Variants in ZFP90 observed in about 807,000 individuals in gnomAD.
The protein encoded by ZFP90 is zinc finger protein 90 homolog.
In ZFP90, 38 loss-of-function variants were observed where a neutral mutation model predicts 60.8. That is an observed-to-expected ratio of 0.62 (90% CI 0.48 to 0.82). ZFP90 has a LOEUF of 0.82. ZFP90 is among the 40% of genes least tolerant of loss of function. ZFP90 has a pLI of 0.00. For synonymous variants in ZFP90, 287 were observed against 264.8 expected (o/e 1.08, Z -0.82); for missense variants, 711 against 759.1 (o/e 0.94, Z 0.74).
chr16:68,554,153 G>A (rs1196210149), intron 2 of ZFP90, among the ~76,000 whole-genome samples: 1 of 148,846 alleles, frequency 6.7e-6, no homozygotes, highest in African/African-American at 2.5e-5. Context: ...ATGGAGTCTC[G>A]CTCTGTTGCC....
intron 2 of ZFP90, among the ~76,000 whole-genome samples, chr16:68,543,685 C>T (rs1180468506): frequency 2.6e-5 from 4 of 151,814 alleles, no homozygotes; most frequent in Admixed American, 6.6e-5. Flanking sequence ...CTCAGTCTCC[C>T]GAGTAGCTGG....
In ZFP90 at chr16:68,563,818, G is replaced by A. The variant is rs761972248; in HGVS notation, c.1031G>A (p.Gly344Glu). 6.2e-7 allele frequency: 1 copy of A among 1,613,942 alleles called. No individual in the cohort carries two copies. ...GEKPYRCNLC[G>E]RSFRHGTSLT... is the part of the protein sequence containing the mutation. ...AAACCCTATCGATGTAATCTATGTG[G>A]GAGGTCCTTTAGGCATGGCACATCC... The change falls in exon 5 of 5, where the codon GGG becomes GAG. Residue 344 changes from glycine to glutamate, a missense_variant. Physicochemically the swap from Gly to Glu is moderately conservative, Grantham distance 98. This residue lies in a region of ZFP90 where 146 missense variants were observed against 201.4 expected (regional missense o/e 0.73). Coordinates refer to ENST00000563169, the MANE Select transcript of ZFP90 (RefSeq NM_001305203.2).
chr16:68,542,297 G>A (rs766389751), intron 2 of ZFP90, among the ~76,000 whole-genome samples: 20 of 152,128 alleles, frequency 1.3e-4, no homozygotes, highest in Non-Finnish European at 2.5e-4. Flanking sequence ...CTTTGAATAG[G>A]AGCAGAGTCT....
At chr16:68,571,366 A>T (rs1442575240), downstream of ZFP90, among the ~76,000 whole-genome samples, 1 of 152,230 alleles carries the variant, frequency 6.6e-6, no homozygotes, top group African/African-American at 2.4e-5. Context: ...GGCAAAAAAT[A>T]ATAATAGTAA....
intron 2 of ZFP90, among the ~76,000 whole-genome samples, chr16:68,544,074 G>C (rs947769492): frequency 6.6e-6 from 1 of 151,948 alleles, no homozygotes; most frequent in East Asian, 1.9e-4. Flanking sequence ...GACTGGTCTT[G>C]AACTCCTGAC....
chr16:68,535,414 T>C (rs2152049144), upstream of ZFP90: 1 of 152,206 alleles, frequency 6.6e-6, no homozygotes, highest in African/African-American at 2.4e-5. Flanking sequence ...TTTTACTGGG[T>C]GGGGTGGGGA....
At chr16:68,538,007 G>C (rs2090975134), upstream of ZFP90, among the ~76,000 whole-genome samples, 1 of 152,026 alleles carries the variant, frequency 6.6e-6, no homozygotes, top group South Asian at 2.1e-4. Context: ...CTGCCTCCCA[G>C]ATTCAAGCGA....
chr16:68,540,806 T>C (rs2091029991), intron 2 of ZFP90, among the ~76,000 whole-genome samples: 1 of 9,072 alleles, frequency 1.1e-4, no homozygotes, highest in Non-Finnish European at 2.2e-4. Context: ...ACTCCGTCTC[T>C]GCAAAAAAAA....
chr16:68,560,393 G>C (rs1486572657), intron 4 of ZFP90, among the ~76,000 whole-genome samples: 1 of 152,060 alleles, frequency 6.6e-6, no homozygotes. Context: ...TATGGCACTG[G>C]CTTCTTTCAC....
chr16:68,552,568 G>C (rs760501538), intron 2 of ZFP90, among the ~76,000 whole-genome samples: 1 of 152,184 alleles, frequency 6.6e-6, no homozygotes, highest in African/African-American at 2.4e-5. Flanking sequence ...CTGAGCGCTT[G>C]AAGTAACGCT....
chr16:68,563,390 G>C lies in ZFP90; in HGVS notation c.603G>C (p.Glu201Asp), dbSNP rs368930006. 71 of 1,612,996 alleles carry C rather than the reference G, an allele frequency of 4.4e-5. 1 individual carries two copies. The highest frequency in any genetic ancestry group is 5.5e-5 in the Non-Finnish European group (65 of 1,179,826). The change falls in exon 5 of 5, where the codon GAG (glutamate) becomes GAC (aspartate). Residue 201 changes from glutamate (E) to aspartate (D), a missense_variant. Coordinates refer to ENST00000563169, the MANE Select transcript of ZFP90 (RefSeq NM_001305203.2). ...GACATAATGCAGACTTACTTAATGA[G>C]AATAATATTCTTGCAAAAAAGAAAC... ...NLGHNADLLN[E>D]NNILAKKKPY...
downstream of ZFP90, chr16:68,567,240 T>A: frequency 1.2e-6 from 1 of 815,500 alleles, no homozygotes; most frequent in Non-Finnish European, 1.5e-6. Flanking sequence ...GGTGAGTTAA[T>A]AGCTACCATT....
upstream of ZFP90, chr16:68,539,173 A>G (rs1272846729): frequency 6.6e-6 from 1 of 152,292 alleles, no homozygotes; most frequent in Non-Finnish European, 1.5e-5. Context: ...AAGGGTCCCT[A>G]ACGCGCCTTC....
At chr16:68,547,860 A>G (rs2091178784) in intron 2 of ZFP90, among the ~76,000 whole-genome samples, 1 of 146,766 alleles carries the variant, frequency 6.8e-6, no homozygotes, top group Non-Finnish European at 1.5e-5. Flanking sequence ...TTTGAGACAG[A>G]GTTTTGCTCT....
At chr16:68,549,309 A>G (rs371197188) in intron 2 of ZFP90, among the ~76,000 whole-genome samples, 30 of 152,316 alleles carry the variant, frequency 2.0e-4, no homozygotes, top group African/African-American at 5.5e-4. Flanking sequence ...TGCATGGACA[A>G]TTTAGAAAAG....
At chr16:68,547,186 C>G (rs2091167205) in intron 2 of ZFP90, among the ~76,000 whole-genome samples, 2 of 152,198 alleles carry the variant, frequency 1.3e-5, no homozygotes, top group Admixed American at 1.3e-4. Context: ...AACCACCATA[C>G]TGTTTCCATA....
Position 68,564,185 on chromosome 16 carries a change from T to G in ZFP90, c.1398T>G (p.Thr466=), listed in dbSNP as rs1186087053. 1.2e-6 allele frequency: 2 copies of G among 1,614,158 alleles called. No individual in the cohort carries two copies. The highest frequency in any genetic ancestry group is 2.2e-5 in the South Asian group (2 of 91,086). Residue 466 remains threonine, a synonymous_variant, in exon 5 of 5, where the codon ACT becomes ACG. Coordinates refer to ENST00000563169, the MANE Select transcript of ZFP90 (RefSeq NM_001305203.2). The part of the protein sequence containing the change: ...GEDFSHITDF[T]DHQRIHTAEN... ...ACTTTAGTCACATTACAGACTTTAC[T>G]GACCATCAGAGGATCCATACTGCAG...
chr16:68,576,040 TAAAAA>T (rs34731750), exon 3 of ZFP90: 15 of 276,856 alleles, frequency 5.4e-5, no homozygotes, highest in Non-Finnish European at 5.9e-5. Context: ...AACATTTATT[TAAAAA>T]AAAAAAAAAA....
intron 3 of ZFP90, 90 bp downstream of exon 3, chr16:68,558,214 G>A (rs2091378141): frequency 3.2e-6 from 5 of 1,559,562 alleles, no homozygotes; most frequent in Non-Finnish European, 4.4e-6. Flanking sequence ...TTAGGTAACT[G>A]TGACCAGGGT....
Sources: allele counts gnomAD v4.1 joint callset (sites outside exome capture counted in the v4.1 genomes callset), GRCh38; gene constraint gnomAD v4.1.1; regional missense constraint gnomAD v4.1.1; transcripts MANE v1.5; gene names NCBI Gene and HGNC (gene_info 2026-07-23, HGNC 2026-07-21).